DNAAF4: variants seen among roughly 807,000 people sequenced by gnomAD.
DNAAF4 encodes dynein axonemal assembly factor 4.
Under a neutral mutation model 51.8 loss-of-function variants are expected in DNAAF4, and 43 were observed. The observed-to-expected ratio is 0.83, with a 90% CI of 0.65 to 1.07. The LOEUF (loss-of-function observed/expected upper bound fraction) is 1.07, where lower values mean the gene tolerates loss of function less well. Ranked by LOEUF, DNAAF4 falls within the 50% of genes least tolerant of loss-of-function variation. The probability of loss-of-function intolerance (pLI) is 0.00; values close to 1 mark genes in which losing one functional copy is unlikely to be tolerated. For missense variants in DNAAF4, 581 were observed against 493.0 expected (o/e 1.18, Z -1.69); for synonymous variants, 194 against 165.6 (o/e 1.17, Z -1.32).
intron 6 of DNAAF4, among the ~76,000 whole-genome samples, chr15:55,440,413 C>T (rs1380698299): frequency 1.3e-5 from 2 of 151,700 alleles, no homozygotes; most frequent in African/African-American, 4.8e-5. Flanking sequence ...GAGTCTTGCT[C>T]TGTCACTCAG....
chr15:55,450,930 T>G (rs773082915), intron 5 of DNAAF4, among the ~76,000 whole-genome samples: 6 of 152,062 alleles, frequency 3.9e-5, no homozygotes, highest in Non-Finnish European at 8.8e-5. Flanking sequence ...AAACCCTGTC[T>G]CTACTAAAAA....
chr15:55,434,838 C>A (rs992545666), intron 8 of DNAAF4, 67 bp downstream of exon 8: 50 of 1,238,474 alleles, frequency 4.0e-5, no homozygotes, highest in Middle Eastern at 2.5e-4. Flanking sequence ...AGAAAAAGAT[C>A]ATCATTTAAA....
rs7165844 is a variant in DNAAF4 at position 55,456,280 on chromosome 15, C to T, written c.638-5913G>A. ...TATTTTTAGTAGAGACAGGGTTTCTCCATGTTGGTCAGGCTAGTCTTGAAC... is the reference window on the plus strand; with the variant it reads ...TATTTTTAGTAGAGACAGGGTTTCTTCATGTTGGTCAGGCTAGTCTTGAAC... On this transcript the variant is annotated intron_variant, in intron 5 of 9. Transcript: ENST00000321149. Among the ~76,000 whole-genome samples, 1,185 of 152,130 alleles carry T rather than the reference C, an allele frequency of 7.8e-3. 13 individuals are homozygous for T. Among genetic ancestry groups the T allele is most frequent in the African/African-American group, 0.024 (995 of 41,508 alleles).
chr15:55,437,346 C>A (rs1449602699), intron 7 of DNAAF4, among the ~76,000 whole-genome samples: 2 of 152,052 alleles, frequency 1.3e-5, no homozygotes, highest in Non-Finnish European at 2.9e-5. Context: ...GTTAGAAGAA[C>A]CAACCTGTCA....
chr15:55,425,382 T>C (rs1046133406), downstream of DNAAF4, among the ~76,000 whole-genome samples: 4 of 152,178 alleles, frequency 2.6e-5, no homozygotes, highest in Non-Finnish European at 5.9e-5. Flanking sequence ...TGTTTTCTCT[T>C]GGTAATTTTC....
chr15:55,455,830 G>A (rs576406657), intron 5 of DNAAF4, among the ~76,000 whole-genome samples: 3 of 151,900 alleles, frequency 2.0e-5, no homozygotes, highest in Non-Finnish European at 4.4e-5. Context: ...ACCAGATCTG[G>A]GTTCAAATCC....
intron 4 of DNAAF4, among the ~76,000 whole-genome samples, chr15:55,469,653 A>T (rs1313330140): frequency 5.5e-5 from 8 of 144,840 alleles, no homozygotes; most frequent in African/African-American, 2.0e-4. Context: ...TGGCTAATTT[A>T]TTTTTTTTTT....
At chr15:55,422,991 G>A (rs117940397) in intron 7 of DNAAF4, among the ~76,000 whole-genome samples, 32,497 of 150,550 alleles carry the variant, frequency 0.22, 4,417 homozygotes, top group Non-Finnish European at 0.31. Flanking sequence ...GCAAAACTCC[G>A]TCTCAAAAAT....
At chr15:55,487,321 G>A (rs1236636125) in intron 4 of DNAAF4, among the ~76,000 whole-genome samples, 1 of 152,092 alleles carries the variant, frequency 6.6e-6, no homozygotes, top group Non-Finnish European at 1.5e-5. Flanking sequence ...TCAGCATTCT[G>A]GAAAAATGCA....
chr15:55,459,228 C>T (rs565749542), intron 5 of DNAAF4, among the ~76,000 whole-genome samples: 8 of 152,168 alleles, frequency 5.3e-5, no homozygotes, highest in East Asian at 3.9e-4. Context: ...AATAATTATC[C>T]GCTAAGAGTT....
Position 55,432,491 on chromosome 15 carries a change from C to T in DNAAF4, c.1153+6G>A. ...GGGACTTAAACCATTTCTATCAATT[C>T]CTTACCTTCTACATACAATTCTAGT... is the stretch of plus-strand genomic sequence containing the variant. On this transcript the variant is annotated splice_donor_region_variant and intron_variant, in intron 9 of 9. Transcript: ENST00000321149. 2 of 1,606,242 alleles carry T rather than the reference C, an allele frequency of 1.2e-6. No homozygotes were observed. The highest frequency in any genetic ancestry group is 2.2e-5 in the East Asian group (1 of 44,782).
At chr15:55,456,491 C>A (rs1317708934) in intron 5 of DNAAF4, among the ~76,000 whole-genome samples, 1 of 152,104 alleles carries the variant, frequency 6.6e-6, no homozygotes, top group South Asian at 2.1e-4. Flanking sequence ...AATGGCAGAT[C>A]GGAGACAGGA....
chr15:55,451,968 T>C (rs1273522994), intron 5 of DNAAF4, among the ~76,000 whole-genome samples: 2 of 151,760 alleles, frequency 1.3e-5, no homozygotes, highest in Admixed American at 6.6e-5. Context: ...AAAATAGGTC[T>C]GGGCGCAGCG....
intron 8 of DNAAF4, among the ~76,000 whole-genome samples, chr15:55,433,999 T>TA (rs1567000807): frequency 1.1e-4 from 7 of 62,098 alleles, no homozygotes; most frequent in Admixed American, 3.0e-4. Flanking sequence ...ATATATAATA[T>TA]TATATATATT....
intron 9 of DNAAF4, 93 bp downstream of exon 9, chr15:55,432,404 T>C (rs1164093691): frequency 1.2e-6 from 1 of 865,826 alleles, no homozygotes; most frequent in Non-Finnish European, 1.8e-6. Flanking sequence ...TATTTAAAAA[T>C]GGAGTCCTTA....
intron 6 of DNAAF4, among the ~76,000 whole-genome samples, chr15:55,449,108 G>C (rs989058381): frequency 3.3e-5 from 5 of 149,750 alleles, no homozygotes; most frequent in African/African-American, 1.2e-4. Flanking sequence ...TCCTGCCTCA[G>C]CCTCCCGAGT....
At chr15:55,418,309 G>A in intron 7 of DNAAF4, 6 of 1,547,072 alleles carry the variant, frequency 3.9e-6, no homozygotes, top group Non-Finnish European at 5.2e-6. Flanking sequence ...GCAATCCTGT[G>A]TTTTCATGTA....
intron 8 of DNAAF4, among the ~76,000 whole-genome samples, chr15:55,433,121 A>G (rs142601061): frequency 0.036 from 5,510 of 152,128 alleles, 101 homozygotes; most frequent in African/African-American, 0.049. Context: ...CCAACATGGC[A>G]AAACCCTGTC....
intron 4 of DNAAF4, among the ~76,000 whole-genome samples, chr15:55,473,081 G>A (rs1373531699): frequency 5.3e-5 from 8 of 149,950 alleles, no homozygotes; most frequent in South Asian, 4.2e-4. Context: ...CATGAGAATC[G>A]CTTAAACCCA....
Sources: allele counts gnomAD v4.1 joint callset (sites outside exome capture counted in the v4.1 genomes callset), GRCh38; gene constraint gnomAD v4.1.1; transcripts MANE v1.5; gene names NCBI Gene and HGNC (gene_info 2026-07-23, HGNC 2026-07-21).